Variants in RTKN2 observed in about 807,000 individuals in gnomAD.
The protein encoded by RTKN2 is rhotekin 2, also known as rhotekin-2.
Under a neutral mutation model 71.5 loss-of-function variants are expected in RTKN2, and 69 were observed. The ratio of observed to expected loss-of-function variants is 0.96; its 90% CI spans 0.79 to 1.18. RTKN2 has a LOEUF of 1.18. Ranked by LOEUF, RTKN2 falls within the 50% of genes most tolerant of loss-of-function variation. The pLI, the probability that RTKN2 is intolerant of heterozygous loss-of-function variation, is 0.00. For synonymous variants in RTKN2, 236 were observed against 236.5 expected, an observed-to-expected ratio of 1.00 and a Z score of 0.02; for missense variants, 724 against 719.7, an observed-to-expected ratio of 1.01 and a Z score of -0.07.
intron 2 of RTKN2, among the ~76,000 whole-genome samples, chr10:62,253,119 T>C (rs1842612433): frequency 6.6e-6 from 1 of 152,020 alleles, no homozygotes; most frequent in Non-Finnish European, 1.5e-5. Context: ...GAAACAAGTC[T>C]TCAAAGGTGA....
intron 6 of RTKN2, among the ~76,000 whole-genome samples, chr10:62,234,955 T>C (rs994618821): frequency 2.6e-5 from 4 of 152,022 alleles, no homozygotes; most frequent in Non-Finnish European, 5.9e-5. Flanking sequence ...ATATGAATAT[T>C]ATTCCCCTAA....
intron 1 of RTKN2, among the ~76,000 whole-genome samples, chr10:62,265,026 C>T (rs1842843676): frequency 6.6e-6 from 1 of 151,776 alleles, no homozygotes; most frequent in South Asian, 2.1e-4. Context: ...ATCTTCTCAC[C>T]ATCACTTATA....
At position 62,195,315 on chromosome 10, in the gene RTKN2, A is replaced by G. The variant is rs115365750; in HGVS notation, c.*2593T>C. The G allele has an allele frequency of 1.0e-3, 1,009 of 985,286 alleles. 5 individuals are homozygous for G. In the African/African-American group the frequency reaches 0.017, roughly 16 times the overall value. The allele number at this position is 985,286 out of a possible 1,614,324, so 61.0% of individuals were successfully genotyped here. A position where few individuals can be genotyped will look rare whatever the true frequency, so the allele number is the denominator to read the frequency against. ...ATTAAAAGGACAAACAAGGAATGTG[A>G]AAGCTCATAAAAAGCTGAAGCAGCT... On this transcript the variant is annotated 3_prime_UTR_variant, in exon 12 of 12. Coordinates refer to ENST00000373789, the MANE Select transcript of RTKN2 (RefSeq NM_145307.4).
intron 6 of RTKN2, among the ~76,000 whole-genome samples, chr10:62,234,140 A>G (rs1842207177): frequency 6.6e-6 from 1 of 152,212 alleles, no homozygotes. Flanking sequence ...GTTGTGTCAA[A>G]GGATGTAGAA....
At chr10:62,211,544 G>T (rs191272060) in intron 9 of RTKN2, among the ~76,000 whole-genome samples, 1 of 152,132 alleles carries the variant, frequency 6.6e-6, no homozygotes, top group African/African-American at 2.4e-5. Flanking sequence ...TTATTTTCAT[G>T]AGAAAAGAAG....
At chr10:62,237,682 G>A (rs920274266) in intron 5 of RTKN2, among the ~76,000 whole-genome samples, 2 of 151,488 alleles carry the variant, frequency 1.3e-5, no homozygotes, top group African/African-American at 4.8e-5. Context: ...TAGTGCACTC[G>A]TCACTGTGTC....
chr10:62,197,741 G>T lies in RTKN2; in HGVS notation c.*167C>A. ...TACATTCTGCAAATCAGGAGTAAAAGAGAAATCCACTTCTTCATTATAAAA... is the reference window on the plus strand; with the variant it reads ...TACATTCTGCAAATCAGGAGTAAAATAGAAATCCACTTCTTCATTATAAAA... On this transcript the variant is annotated 3_prime_UTR_variant, in exon 12 of 12. Transcript: ENST00000373789. 7.1e-7 allele frequency: 1 copy of T among 1,415,076 alleles called. No homozygotes were observed. The highest frequency in any genetic ancestry group is 9.2e-7 in the Non-Finnish European group (1 of 1,091,094). The allele number at this position is 1,415,076 out of a possible 1,614,324, so 87.7% of individuals were successfully genotyped here.
At position 62,195,126 on chromosome 10, in the gene RTKN2, T is replaced by C. The variant is rs1841296690; in HGVS notation, c.*2782A>G. On this transcript the variant is annotated 3_prime_UTR_variant, in exon 12 of 12. Coordinates refer to ENST00000373789, the MANE Select transcript of RTKN2 (RefSeq NM_145307.4). The stretch of plus-strand genomic sequence containing the variant: ...ATCTTAATGCTGACTACGTAATTTA[T>C]ATCCCAGAGCTTGAAATGTAAAGGT... The C allele has an allele frequency of 1.0e-6, 1 of 980,050 alleles. No individual in the cohort carries two copies. The highest frequency in any genetic ancestry group is 1.2e-6 in the Non-Finnish European group (1 of 825,050). 60.7% of individuals were successfully genotyped at this position (980,050 alleles called of 1,614,324 possible).
At chr10:62,200,671 A>G (rs1841423998) in intron 10 of RTKN2, among the ~76,000 whole-genome samples, 1 of 152,072 alleles carries the variant, frequency 6.6e-6, no homozygotes, top group South Asian at 2.1e-4. Context: ...TTGATTAAGA[A>G]ATAAAAATTA....
chr10:62,197,456 TC>T lies in RTKN2; in HGVS notation c.*451del. The T allele has an allele frequency of 1.0e-6, 1 of 986,456 alleles. No individual in the cohort carries two copies. Among genetic ancestry groups the T allele is most frequent in the Non-Finnish European group, 1.2e-6 (1 of 830,320 alleles). 61.1% of individuals were successfully genotyped at this position (986,456 alleles called of 1,614,324 possible). A position where few individuals can be genotyped will look rare whatever the true frequency, so the allele number is the denominator to read the frequency against. Reference sequence around the variant, plus strand: ...GAATTCCAGAATGCTAAGAAAATTTTCTTGGGTGGATTCTATAATTTGTGGT... The same window carrying T: ...GAATTCCAGAATGCTAAGAAAATTTTTTGGGTGGATTCTATAATTTGTGGT... On this transcript the variant is annotated 3_prime_UTR_variant, in exon 12 of 12. Transcript: ENST00000373789.
chr10:62,218,945 C>T (rs1355452018), intron 7 of RTKN2, among the ~76,000 whole-genome samples: 1 of 152,124 alleles, frequency 6.6e-6, no homozygotes, highest in Non-Finnish European at 1.5e-5. Flanking sequence ...CAGACTGCAC[C>T]ACTGCACTTC....
At chr10:62,191,319 A>G (rs1841219828), downstream of RTKN2, among the ~76,000 whole-genome samples, 1 of 151,956 alleles carries the variant, frequency 6.6e-6, no homozygotes, top group Non-Finnish European at 1.5e-5. Flanking sequence ...AATTATTATT[A>G]TTTTTTGTAG....
At position 62,196,112 on chromosome 10, in the gene RTKN2, T is replaced by C; in HGVS notation, c.*1796A>G. 1 of 985,122 alleles carries C rather than the reference T, an allele frequency of 1.0e-6. No individual in the cohort carries two copies. Among genetic ancestry groups the C allele is most frequent in the Non-Finnish European group, 1.2e-6 (1 of 829,776 alleles). 61.0% of individuals were successfully genotyped at this position (985,122 alleles called of 1,614,324 possible). A position where few individuals can be genotyped will look rare whatever the true frequency, so the allele number is the denominator to read the frequency against. On this transcript the variant is annotated 3_prime_UTR_variant, in exon 12 of 12. Coordinates refer to ENST00000373789, the MANE Select transcript of RTKN2 (RefSeq NM_145307.4). ...TTCCCTGCAGCATCTTCTAGCTCAA[T>C]AATTTAGTGGCAATGACAGTCACAA...
At chr10:62,185,997 G>A (rs1168287595) in intron 8 of RTKN2, among the ~76,000 whole-genome samples, 2 of 152,244 alleles carry the variant, frequency 1.3e-5, no homozygotes, top group African/African-American at 4.8e-5. Flanking sequence ...GGCCTTAGAA[G>A]AGTTAAGTTG....
At position 62,268,782 on chromosome 10, in the gene RTKN2, CT is replaced by C; in HGVS notation, c.-173del. Reference sequence around the variant, plus strand: ...CGAAGCGCACGCGCAGTGGGCGCGCCTTGCGCTCTGCAGCTCCCGCCGCCGG... The same window carrying C: ...CGAAGCGCACGCGCAGTGGGCGCGCCTGCGCTCTGCAGCTCCCGCCGCCGG... On this transcript the variant is annotated 5_prime_UTR_variant, in exon 1 of 12. Transcript: ENST00000373789. The C allele has an allele frequency of 1.6e-6, 1 of 630,848 alleles. No individual in the cohort carries two copies. Among genetic ancestry groups the C allele is most frequent in the Non-Finnish European group, 2.7e-6 (1 of 374,938 alleles). 39.1% of individuals were successfully genotyped at this position (630,848 alleles called of 1,614,324 possible).
At chr10:62,264,181 A>G (rs1311373803) in intron 1 of RTKN2, among the ~76,000 whole-genome samples, 1 of 152,220 alleles carries the variant, frequency 6.6e-6, no homozygotes, top group Non-Finnish European at 1.5e-5. Flanking sequence ...AAAAGAAAAG[A>G]TGAAAGTTAG....
chr10:62,268,437 G>T, intron 1 of RTKN2, 114 bp downstream of exon 1: 1 of 1,030,890 alleles, frequency 9.7e-7, no homozygotes, highest in Non-Finnish European at 1.5e-6. Flanking sequence ...TCTGGCCACC[G>T]CTGAAATAGA....
At chr10:62,224,044 C>T (rs573651573) in intron 6 of RTKN2, among the ~76,000 whole-genome samples, 392 of 152,090 alleles carry the variant, frequency 2.6e-3, no homozygotes, top group African/African-American at 8.8e-3. Flanking sequence ...TGACATACTA[C>T]GACATGGATG....
At chr10:62,266,303 A>T (rs1460833550) in intron 1 of RTKN2, among the ~76,000 whole-genome samples, 1 of 152,220 alleles carries the variant, frequency 6.6e-6, no homozygotes, top group Non-Finnish European at 1.5e-5. Flanking sequence ...TGTTGGTATT[A>T]AAAACTGACT....
Sources: gnomAD v4.1 joint callset for allele counts (sites outside exome capture counted in the v4.1 genomes callset) on GRCh38, gnomAD v4.1.1 for gene constraint, MANE v1.5 for transcripts, NCBI Gene and HGNC (gene_info 2026-07-23, HGNC 2026-07-21) for gene names.